Variants in RPL11 observed in about 807,000 individuals in gnomAD.
RPL11 encodes the protein large ribosomal subunit protein uL5.
A neutral mutation model predicts 24.1 loss-of-function variants in RPL11; 3 were observed. The observed-to-expected ratio is 0.12, with a 90% CI of 0.06 to 0.32. RPL11 has a LOEUF of 0.32. Ranked by LOEUF, RPL11 falls within the 10% of genes least tolerant of loss-of-function variation. The pLI is 1.00. For synonymous variants in RPL11, 96 were observed against 75.7 expected (o/e 1.27, Z -1.39); for missense variants, 146 against 225.7 (o/e 0.65, Z 2.26).
intron 4 of RPL11, chr1:23,695,175 A>C (rs1471902958): frequency 8.5e-6 from 3 of 352,952 alleles, no homozygotes; most frequent in Non-Finnish European, 1.7e-5. Flanking sequence ...TTCCTATAGA[A>C]ACAGCTTTGG....
intron 2 of RPL11, among the ~76,000 whole-genome samples, chr1:23,693,587 A>G (rs1644515218): frequency 6.6e-6 from 1 of 152,196 alleles, no homozygotes; most frequent in African/African-American, 2.4e-5. Flanking sequence ...GACTGTTCTT[A>G]ACTGCTGAAG....
intron 4 of RPL11, chr1:23,695,333 TAGAC>T (rs747102594): frequency 1.1e-5 from 3 of 276,722 alleles, no homozygotes; most frequent in African/African-American, 4.4e-5. Context: ...GCACCCTCAT[TAGAC>T]AGACAAGTAA....
Position 23,695,857 on chromosome 1 carries a change from G to A in RPL11, c.456G>A (p.Gly152=). ...AGAAGCGCAGGACAGGCTGCATTGG[G>A]GCCAAACACAGAATCAGCAAAGAGG... ...ADKKRRTGCI[G]AKHRISKEEA... is the part of the protein sequence containing the mutation. The change falls in exon 5 of 6, where the codon GGG becomes GGA. Residue 152 remains glycine, a synonymous_variant. Coordinates refer to ENST00000643754, the MANE Select transcript of RPL11 (RefSeq NM_000975.5). 1 of 1,600,488 alleles carries A rather than the reference G, an allele frequency of 6.2e-7. No homozygotes were observed. Among genetic ancestry groups the A allele is most frequent in the Non-Finnish European group, 8.5e-7 (1 of 1,173,716 alleles).
intron 1 of RPL11, chr1:23,692,067 AG>A (rs1190976707): frequency 1.6e-6 from 1 of 610,640 alleles, no homozygotes; most frequent in Admixed American, 2.9e-5. Flanking sequence ...CACGGTCAGG[AG>A]GCTGCAGCGG....
intron 2 of RPL11, 86 bp from the exon 3 acceptor site, chr1:23,693,721 T>C: frequency 1.1e-6 from 1 of 892,940 alleles, no homozygotes; most frequent in Non-Finnish European, 1.9e-6. Flanking sequence ...AATGTCTCTT[T>C]AAGTCATGGA....
Position 23,696,818 on chromosome 1 carries a change from A to C in RPL11, c.*445A>C. 4.3e-6 allele frequency: 1 copy of C among 232,590 alleles called. No homozygotes were observed. The highest frequency in any genetic ancestry group is 8.5e-6 in the Non-Finnish European group (1 of 117,268). The allele number at this position is 232,590 out of a possible 1,614,324, so 14.4% of individuals were successfully genotyped here. The stretch of plus-strand genomic sequence containing the variant: ...GGCTTTGGTGTGATGGTTGAGATTA[A>C]ATTTAGACTTAACTGTTCAGGCTCA... On this transcript the variant is annotated 3_prime_UTR_variant, in exon 6 of 6. Coordinates refer to ENST00000643754, the MANE Select transcript of RPL11 (RefSeq NM_000975.5).
chr1:23,693,825 C>T lies in RPL11; in HGVS notation c.176C>T (p.Ser59Phe). 1 of 1,614,046 alleles carries T rather than the reference C, an allele frequency of 6.2e-7. No individual in the cohort carries two copies. The highest frequency in any genetic ancestry group is 8.5e-7 in the Non-Finnish European group (1 of 1,179,966). Residue 59 changes from serine to phenylalanine, a missense_variant, in exon 3 of 6, where the codon TCC becomes TTC. By Grantham distance (155) the Ser-to-Phe change is radical. Coordinates refer to ENST00000643754, the MANE Select transcript of RPL11 (RefSeq NM_000975.5). Reference sequence around the variant, plus strand: ...CCTGCAGCTAGATACACTGTCAGATCCTTTGGCATCCGGAGAAATGAAAAG... The same window carrying T: ...CCTGCAGCTAGATACACTGTCAGATTCTTTGGCATCCGGAGAAATGAAAAG... ...VFSKARYTVR[S>F]FGIRRNEKIA...
chr1:23,693,966 C>A (rs566658179), intron 3 of RPL11, 53 bp downstream of exon 3: 17 of 1,235,388 alleles, frequency 1.4e-5, no homozygotes, highest in Middle Eastern at 1.9e-4. Context: ...TTTAGTAACA[C>A]ATGTAGATAA....
rs558662093 is a variant in RPL11 at position 23,692,600 on chromosome 1, C to G, written c.7-9C>G. 2 of 1,614,008 alleles carry G rather than the reference C, an allele frequency of 1.2e-6. No individual in the cohort carries two copies. Among genetic ancestry groups the G allele is most frequent in the Non-Finnish European group, 1.7e-6 (2 of 1,179,988 alleles). ...TGAGTGTATTGACTGCTGCTCTTCC[C>G]TGTTGCAGCAGGATCAAGGTGAAAA... On this transcript the variant is annotated splice_polypyrimidine_tract_variant and intron_variant, in intron 1 of 5. Transcript: ENST00000643754.
In RPL11 at chr1:23,696,367, C is replaced by T; in HGVS notation, c.531C>T (p.Gly177=). 2.5e-6 allele frequency: 4 copies of T among 1,613,904 alleles called. No homozygotes were observed. Among genetic ancestry groups the T allele is most frequent in the Non-Finnish European group, 2.5e-6 (3 of 1,179,820 alleles). The change falls in exon 6 of 6, where the codon GGC becomes GGT. Residue 177 remains glycine, a synonymous_variant. Coordinates refer to ENST00000643754, the MANE Select transcript of RPL11 (RefSeq NM_000975.5). ...AGTATGATGGGATCATCCTTCCTGG[C>T]AAATAAATTCCCGTTTCTATCCAAA... is the stretch of plus-strand genomic sequence containing the variant. ...QQKYDGIILP[G]K
chr1:23,696,080 A>G, intron 5 of RPL11, 172 bp downstream of exon 5: 3 of 777,016 alleles, frequency 3.9e-6, no homozygotes, highest in South Asian at 3.0e-5. Flanking sequence ...AAGAACATCC[A>G]GAACTAGGCC....
intron 5 of RPL11, 29 bp from the exon 6 acceptor site, chr1:23,696,315 C>G: frequency 6.2e-7 from 1 of 1,611,964 alleles, no homozygotes; most frequent in East Asian, 2.2e-5. Context: ...GCCTCCTGTT[C>G]TGAAAAAATT....
intron 2 of RPL11, 125 bp downstream of exon 2, chr1:23,692,884 G>A: frequency 8.1e-7 from 1 of 1,228,238 alleles, no homozygotes; most frequent in Non-Finnish European, 1.1e-6. Context: ...AAATTCATGA[G>A]CCGGCCAAGA....
chr1:23,692,898 G>GTT, intron 2 of RPL11, 139 bp downstream of exon 2: 1 of 871,708 alleles, frequency 1.1e-6, no homozygotes, highest in Non-Finnish European at 1.7e-6. Context: ...GCCAAGAGGT[G>GTT]TCTTTTTTTT....
At position 23,692,624 on chromosome 1, in the gene RPL11, A is replaced by G; in HGVS notation, c.22A>G (p.Lys8Glu). Residue 8 changes from lysine to glutamate, a missense_variant, in exon 2 of 6, where the codon AAG becomes GAG. Lys to Glu is a moderately conservative substitution (Grantham distance 56). Transcript: ENST00000643754. ...CCTGTTGCAGCAGGATCAAGGTGAA[A>G]AGGAGAACCCCATGCGGGAACTTCG... MAQDQGE[K>E]ENPMRELRIR... is the part of the protein sequence containing the mutation. 1.2e-6 allele frequency: 2 copies of G among 1,614,142 alleles called. No individual in the cohort carries two copies. Among genetic ancestry groups the G allele is most frequent in the Non-Finnish European group, 8.5e-7 (1 of 1,180,032 alleles).
chr1:23,693,512 C>A (rs1287171125), intron 2 of RPL11, among the ~76,000 whole-genome samples: 1 of 152,328 alleles, frequency 6.6e-6, no homozygotes, highest in Admixed American at 6.5e-5. Context: ...ACATGATAAT[C>A]TTACTAGTGG....
At chr1:23,691,897 G>C in intron 1 of RPL11, 68 bp downstream of exon 1, 6 of 1,605,246 alleles carry the variant, frequency 3.7e-6, no homozygotes, top group Non-Finnish European at 4.3e-6. Flanking sequence ...GAGCCTGCGG[G>C]GGCTACTTCG....
At chr1:23,694,848 T>C in intron 4 of RPL11, 57 bp downstream of exon 4, 1 of 1,611,924 alleles carries the variant, frequency 6.2e-7, no homozygotes. Flanking sequence ...GAATCTTTAT[T>C]TCATATGTGG....
chr1:23,696,009 C>A, intron 5 of RPL11, 101 bp downstream of exon 5: 1 of 1,179,212 alleles, frequency 8.5e-7, no homozygotes, highest in Non-Finnish European at 1.2e-6. Flanking sequence ...TGGGTATCTT[C>A]TTTAAAGTTA....
Sources: allele counts gnomAD v4.1 joint callset (sites outside exome capture counted in the v4.1 genomes callset), GRCh38; gene constraint gnomAD v4.1.1; transcripts MANE v1.5; gene names NCBI Gene and HGNC (gene_info 2026-07-23, HGNC 2026-07-21).